The following FREM1 variants were observed in gnomAD, a reference collection of about 807,000 sequenced individuals.
FREM1 encodes FRAS1-related extracellular matrix protein 1.
A neutral mutation model predicts 210.1 loss-of-function variants in FREM1; 220 were observed. The observed-to-expected ratio is 1.05, with a 90% CI of 0.94 to 1.17. The LOEUF (loss-of-function observed/expected upper bound fraction) is 1.17. FREM1 is among the 50% of genes most tolerant of loss of function. FREM1 has a pLI of 0.00. For synonymous variants in FREM1, 1,189 were observed against 980.2 expected, an observed-to-expected ratio of 1.21 and a Z score of -3.98; for missense variants, 3,454 against 2,675.5, an observed-to-expected ratio of 1.29 and a Z score of -6.42.
chr9:14,880,762 T>A (rs959118924), intron 1 of FREM1, among the ~76,000 whole-genome samples: 1 of 152,172 alleles, frequency 6.6e-6, no homozygotes, highest in Non-Finnish European at 1.5e-5. Flanking sequence ...ATGAACAAAT[T>A]TTTTATGGAC....
Position 14,747,396 on chromosome 9 carries a change from A to C in FREM1, c.5877T>G (p.Asp1959Glu). The C allele has an allele frequency of 6.2e-7, 1 of 1,613,656 alleles. No homozygotes were observed. The highest frequency in any genetic ancestry group is 8.5e-7 in the Non-Finnish European group (1 of 1,179,692). ...YHGIVSLKLE[D>E]DSFPTHKRKA... ...TCCTTTTGTGAGTTGGGAAACTGTC[A>C]TCCTCCAGTTTCAAGGAAACTATCC... Residue 1959 changes from aspartate to glutamate, a missense_variant, in exon 33 of 37, where the codon GAT (aspartate) becomes GAG (glutamate). Coordinates refer to ENST00000380880, the MANE Select transcript of FREM1 (RefSeq NM_001379081.2).
chr9:14,792,914 T>C (rs776459684), intron 21 of FREM1, 30 bp from the exon 22 acceptor site: 3 of 1,489,264 alleles, frequency 2.0e-6, no homozygotes, highest in Non-Finnish European at 2.7e-6. Flanking sequence ...TGGGTTGATA[T>C]AAAAATAGAA....
intron 1 of FREM1, among the ~76,000 whole-genome samples, chr9:14,904,326 C>A (rs1016190709): frequency 1.3e-5 from 2 of 152,040 alleles, no homozygotes; most frequent in Non-Finnish European, 2.9e-5. Flanking sequence ...ATATAGAAGA[C>A]AAGCTTTATC....
At chr9:14,772,400 A>G (rs535515586) in intron 25 of FREM1, among the ~76,000 whole-genome samples, 4 of 152,302 alleles carry the variant, frequency 2.6e-5, no homozygotes, top group South Asian at 2.1e-4. Context: ...ATCAAGAACT[A>G]TCAGGAATAG....
Position 14,863,850 on chromosome 9 carries a change from A to G in FREM1, c.288T>C (p.Cys96=). ...TCACTGTGTCTTCATCAAGAATTGGACAACCATTGTGAACATACTTGACTT... is the reference window on the plus strand; with the variant it reads ...TCACTGTGTCTTCATCAAGAATTGGGCAACCATTGTGAACATACTTGACTT... ...PNEVKYVHNG[C]PILDEDTVKL... The change falls in exon 3 of 37, where the codon TGT becomes TGC. Residue 96 remains cysteine (C), a synonymous_variant. Transcript: ENST00000380880. The G allele has an allele frequency of 1.2e-6, 2 of 1,613,500 alleles. No homozygotes were observed. Among genetic ancestry groups the G allele is most frequent in the Non-Finnish European group, 1.7e-6 (2 of 1,179,466 alleles).
At chr9:14,775,637 G>A (rs1179377836) in intron 25 of FREM1, among the ~76,000 whole-genome samples, 152 bp downstream of exon 25, 1 of 149,868 alleles carries the variant, frequency 6.7e-6, no homozygotes, top group African/African-American at 2.5e-5. Context: ...GAGCCCAGGA[G>A]GTGGAGATTG....
chr9:14,748,528 A>G lies in FREM1; in HGVS notation c.5669T>C (p.Phe1890Ser), dbSNP rs780607913. Reference protein sequence around the residue: ...GSSSSTTSGSFHLERRPLPSS... With the variant: ...GSSSSTTSGSSHLERRPLPSS... ...TGGAAGAGGTCTTCTTTCCAGATGA[A>G]AGGAACCAGAAGTGGTGGATGAGGA... Residue 1890 changes from phenylalanine to serine, a missense_variant, in exon 31 of 37, where the codon TTT (phenylalanine) becomes TCT (serine). Transcript: ENST00000380880. 6 of 1,613,846 alleles carry G rather than the reference A, an allele frequency of 3.7e-6. No individual in the cohort carries two copies. The highest frequency in any genetic ancestry group is 5.1e-6 in the Non-Finnish European group (6 of 1,179,770).
At chr9:14,888,355 C>T (rs16932392) in intron 1 of FREM1, among the ~76,000 whole-genome samples, 34,798 of 152,024 alleles carry the variant, frequency 0.23, 4,566 homozygotes, top group African/African-American at 0.35. Context: ...TGCTTCACAT[C>T]ACACCAAAAC....
intron 17 of FREM1, among the ~76,000 whole-genome samples, chr9:14,807,629 T>C (rs1818621106): frequency 1.3e-5 from 2 of 152,026 alleles, no homozygotes; most frequent in South Asian, 2.1e-4. Flanking sequence ...AAAATCAGAA[T>C]ATTTGAGGAT....
chr9:14,839,056 T>G (rs867978675), intron 10 of FREM1, among the ~76,000 whole-genome samples: 2 of 152,320 alleles, frequency 1.3e-5, no homozygotes, highest in Middle Eastern at 6.8e-3. Flanking sequence ...TGCTACTATA[T>G]TAATGAGTTT....
Position 14,759,948 on chromosome 9 carries a change from C to T in FREM1, c.5205-47G>A, listed in dbSNP as rs530797213. 3 of 1,498,880 alleles carry T rather than the reference C, an allele frequency of 2.0e-6. No individual in the cohort carries two copies. In the Admixed American group the frequency reaches 5.7e-5, roughly 29 times the overall value. The allele number at this position is 1,498,880 out of a possible 1,614,324, so 92.8% of individuals were successfully genotyped here. ...AAATCATGAGAATGCATAGTATATGCCTATAGGGATTCTCTGCTGAGCGGA... is the reference window on the plus strand; with the variant it reads ...AAATCATGAGAATGCATAGTATATGTCTATAGGGATTCTCTGCTGAGCGGA... On this transcript the variant is annotated intron_variant, in intron 27 of 36. Coordinates refer to ENST00000380880, the MANE Select transcript of FREM1 (RefSeq NM_001379081.2).
At chr9:14,834,743 T>G in intron 10 of FREM1, among the ~76,000 whole-genome samples, 1 of 152,210 alleles carries the variant, frequency 6.6e-6, no homozygotes, top group East Asian at 1.9e-4. Flanking sequence ...ATGTCCAATC[T>G]TTTTTAAGTT....
intron 1 of FREM1, 143 bp downstream of exon 1, chr9:14,909,771 G>C (rs925020869): frequency 1.3e-5 from 2 of 152,206 alleles, no homozygotes; most frequent in African/African-American, 4.8e-5. Context: ...TAACAGGAGA[G>C]TTAAACTTTT....
At chr9:14,856,487 T>G (rs1828754122) in intron 5 of FREM1, among the ~76,000 whole-genome samples, 1 of 152,154 alleles carries the variant, frequency 6.6e-6, no homozygotes, top group South Asian at 2.1e-4. Context: ...ACTGGGCCCC[T>G]TAGGAGAAAT....
chr9:14,908,144 T>A (rs546559373), intron 1 of FREM1, among the ~76,000 whole-genome samples: 1 of 152,130 alleles, frequency 6.6e-6, no homozygotes, highest in African/African-American at 2.4e-5. Flanking sequence ...CGCCAGAAAA[T>A]GCAAGGATGG....
intron 2 of FREM1, among the ~76,000 whole-genome samples, chr9:14,868,091 T>G (rs1831879728): frequency 6.6e-6 from 1 of 152,228 alleles, no homozygotes; most frequent in African/African-American, 2.4e-5. Flanking sequence ...ATCTCTTTTC[T>G]ACTTCTTTTC....
chr9:14,751,693 T>C (rs1445246302), intron 29 of FREM1: 3 of 152,160 alleles, frequency 2.0e-5, no homozygotes, highest in Non-Finnish European at 1.5e-5. Context: ...ATCTTGCAGA[T>C]TGCCTTCTAC....
chr9:14,845,761 A>G (rs1006238823), intron 8 of FREM1, among the ~76,000 whole-genome samples, 199 bp downstream of exon 8: 1 of 152,222 alleles, frequency 6.6e-6, no homozygotes, highest in African/African-American at 2.4e-5. Context: ...CGTACAAGGT[A>G]CCATTCATAA....
intron 20 of FREM1, 47 bp downstream of exon 20, chr9:14,801,605 T>C: frequency 7.6e-7 from 1 of 1,307,252 alleles, no homozygotes. Flanking sequence ...ATGGGTTAAA[T>C]TATTCAATCA....
Sources: gnomAD v4.1 joint callset for allele counts (sites outside exome capture counted in the v4.1 genomes callset) on GRCh38, gnomAD v4.1.1 for gene constraint, MANE v1.5 for transcripts, NCBI Gene and HGNC (gene_info 2026-07-23, HGNC 2026-07-21) for gene names.